The following CADM2 variants were observed in gnomAD, a reference collection of about 807,000 sequenced individuals.
CADM2 encodes the protein immunoglobulin superfamily member 4D.
In CADM2, 12 loss-of-function variants were observed where a neutral mutation model predicts 49.8. That is an observed-to-expected ratio of 0.24 (90% CI 0.15 to 0.39). CADM2 has a LOEUF of 0.39. Among genes scored for constraint, CADM2 ranks in the 10% least tolerant of loss-of-function variants. The pLI, the probability that CADM2 is intolerant of heterozygous loss-of-function variation, is 1.00. For missense variants in CADM2, 378 were observed against 492.3 expected (o/e 0.77, Z 2.20); for synonymous variants, 214 against 175.4 (o/e 1.22, Z -1.74).
chr3:85,533,435 T>A (rs1031432331), intron 1 of CADM2, among the ~76,000 whole-genome samples: 12 of 152,160 alleles, frequency 7.9e-5, no homozygotes, highest in African/African-American at 2.9e-4. Flanking sequence ...ATTTTTAAAA[T>A]ATTTCTGAGG....
At chr3:85,962,000 G>A (rs755912971) in intron 8 of CADM2, among the ~76,000 whole-genome samples, 1 of 151,750 alleles carries the variant, frequency 6.6e-6, no homozygotes, top group Admixed American at 6.6e-5. Context: ...GCAGTGGCAT[G>A]ATCTCAGCTC....
At chr3:85,365,199 C>CTTTTTTTTTTTTTTTTTT (rs397962829) in intron 1 of CADM2, among the ~76,000 whole-genome samples, 5 of 104,716 alleles carry the variant, frequency 4.8e-5, no homozygotes, top group African/African-American at 1.1e-4. Flanking sequence ...TTTTTTTTTA[C>CTTTTTTTTTTTTTTTTTT]TTTTTTTTTT....
At chr3:85,901,773 T>C (rs6762778) in intron 5 of CADM2, among the ~76,000 whole-genome samples, 32,858 of 152,122 alleles carry the variant, frequency 0.22, 3,968 homozygotes, top group African/African-American at 0.33. Flanking sequence ...ACAAGAAGCC[T>C]GTTAGTGATA....
chr3:85,661,416 G>T (rs1430017007), intron 1 of CADM2, among the ~76,000 whole-genome samples: 1 of 151,964 alleles, frequency 6.6e-6, no homozygotes, highest in Non-Finnish European at 1.5e-5. Flanking sequence ...AATGTGAAAT[G>T]AGCACAAAGG....
At chr3:85,821,770 C>A (rs1487125769) in intron 3 of CADM2, among the ~76,000 whole-genome samples, 1 of 151,968 alleles carries the variant, frequency 6.6e-6, no homozygotes, top group Non-Finnish European at 1.5e-5. Flanking sequence ...ATATATCAAG[C>A]ACAAATAATG....
chr3:85,329,667 T>G (rs752408968), intron 1 of CADM2, among the ~76,000 whole-genome samples: 61 of 152,104 alleles, frequency 4.0e-4, no homozygotes, highest in Non-Finnish European at 8.4e-4. Context: ...TGTGTGTGTA[T>G]AAAGTAAGTA....
chr3:85,355,285 TCTC>T (rs2031760468), intron 1 of CADM2, among the ~76,000 whole-genome samples: 1 of 152,008 alleles, frequency 6.6e-6, no homozygotes, highest in Non-Finnish European at 1.5e-5. Flanking sequence ...AGAGCTGGCT[TCTC>T]CTTACTCCTT....
chr3:85,802,582 G>T lies in CADM2; in HGVS notation c.238+386G>T, dbSNP rs375667784. On this transcript the variant is annotated intron_variant, in intron 3 of 9. Transcript: ENST00000383699. ...TTTATATATTTGGAAGATGCAATAT[G>T]ATTTTGAAAAGTTTAATGATTTTAT... Among the ~76,000 whole-genome samples, 32 of 152,152 alleles carry T rather than the reference G, an allele frequency of 2.1e-4. No homozygotes were observed. In the East Asian group the frequency reaches 3.9e-3, roughly 18 times the overall value.
chr3:85,928,800 C>T (rs938910347), intron 6 of CADM2, among the ~76,000 whole-genome samples: 2 of 151,990 alleles, frequency 1.3e-5, no homozygotes, highest in African/African-American at 4.8e-5. Flanking sequence ...CATTTATTTA[C>T]ACAACACTTA....
chr3:85,894,206 A>T (rs1389082733), intron 5 of CADM2, among the ~76,000 whole-genome samples: 1 of 152,194 alleles, frequency 6.6e-6, no homozygotes, highest in Non-Finnish European at 1.5e-5. Flanking sequence ...AGGGACATGG[A>T]TGAAGCTGGA....
chr3:85,400,909 A>G (rs2035074301), intron 1 of CADM2, among the ~76,000 whole-genome samples: 1 of 151,998 alleles, frequency 6.6e-6, no homozygotes, highest in African/African-American at 2.4e-5. Flanking sequence ...CTCCTCCTTT[A>G]GTTGTGAATC....
intron 1 of CADM2, among the ~76,000 whole-genome samples, chr3:85,218,575 A>G (rs1308400482): frequency 1.3e-5 from 2 of 152,118 alleles, no homozygotes; most frequent in African/African-American, 4.8e-5. Context: ...AGGTGGGTGG[A>G]TCATGAGATT....
intron 1 of CADM2, among the ~76,000 whole-genome samples, chr3:85,487,781 T>C (rs893413623): frequency 6.6e-6 from 1 of 151,882 alleles, no homozygotes; most frequent in Non-Finnish European, 1.5e-5. Context: ...TGCGTGTGTG[T>C]GTGATGGGAA....
In CADM2 at chr3:85,131,823, C is replaced by T. The variant is rs570440491; in HGVS notation, c.61+172155C>T. Among the ~76,000 whole-genome samples, 77 of 151,182 alleles carry T rather than the reference C, an allele frequency of 5.1e-4. 1 individual carries two copies. The highest frequency in any genetic ancestry group is 1.7e-3 in the African/African-American group (68 of 41,160). ...CTGAAGGAAAAAGTCACATACACTA[C>T]GATACAATTAAATTCTGCTAAATAA... On this transcript the variant is annotated intron_variant, in intron 1 of 9. Coordinates refer to ENST00000383699, the MANE Select transcript of CADM2 (RefSeq NM_001167675.2).
intron 1 of CADM2, among the ~76,000 whole-genome samples, chr3:85,137,907 C>A (rs546711034): frequency 1.5e-4 from 23 of 152,096 alleles, no homozygotes; most frequent in African/African-American, 5.1e-4. Context: ...ATAGAACATT[C>A]AAATATAGAA....
intron 1 of CADM2, among the ~76,000 whole-genome samples, chr3:85,054,587 G>A (rs1345822786): frequency 6.6e-6 from 1 of 151,840 alleles, no homozygotes; most frequent in East Asian, 1.9e-4. Context: ...GAGCAGTTAT[G>A]AGGTTATTAA....
At chr3:85,330,536 G>T (rs1271842373) in intron 1 of CADM2, among the ~76,000 whole-genome samples, 1 of 151,984 alleles carries the variant, frequency 6.6e-6, no homozygotes, top group Non-Finnish European at 1.5e-5. Context: ...TTTCTACACT[G>T]CCCAGTGCAT....
intron 1 of CADM2, among the ~76,000 whole-genome samples, chr3:85,547,155 G>A (rs1358051760): frequency 6.6e-6 from 1 of 151,812 alleles, no homozygotes; most frequent in East Asian, 1.9e-4. Flanking sequence ...TTGTATTGAT[G>A]CAAAATTTCA....
intron 1 of CADM2, among the ~76,000 whole-genome samples, chr3:84,996,546 T>C (rs1410663896): frequency 6.6e-6 from 1 of 152,096 alleles, no homozygotes; most frequent in African/African-American, 2.4e-5. Context: ...TTTTAAAAAT[T>C]AGGTTACTCA....
Sources: allele counts gnomAD v4.1 joint callset (sites outside exome capture counted in the v4.1 genomes callset), GRCh38; gene constraint gnomAD v4.1.1; transcripts MANE v1.5; gene names NCBI Gene and HGNC (gene_info 2026-07-23, HGNC 2026-07-21).